The following ZCWPW2 variants were observed in gnomAD, a reference collection of about 807,000 sequenced individuals.
ZCWPW2 encodes the protein zinc finger CW-type and PWWP domain containing 2.
A neutral mutation model predicts 46.6 loss-of-function variants in ZCWPW2; 45 were observed. That is an observed-to-expected ratio of 0.96 (90% CI 0.76 to 1.24). The LOEUF is 1.24. ZCWPW2 is among the 50% of genes most tolerant of loss of function. ZCWPW2 has a pLI of 0.00. For synonymous variants in ZCWPW2, 152 were observed against 137.1 expected (o/e 1.11, Z -0.76); for missense variants, 429 against 403.9 (o/e 1.06, Z -0.53).
At chr3:28,384,939 T>C (rs1695222187) in intron 1 of ZCWPW2, among the ~76,000 whole-genome samples, 1 of 152,184 alleles carries the variant, frequency 6.6e-6, no homozygotes. Flanking sequence ...TTTATGACTT[T>C]TGTGTTTTAC....
chr3:28,490,199 GA>G (rs1395151294), intron 5 of ZCWPW2, among the ~76,000 whole-genome samples: 4 of 152,066 alleles, frequency 2.6e-5, no homozygotes, highest in African/African-American at 7.2e-5. Flanking sequence ...AGAGAAAAGG[GA>G]ATGCTATATA....
At chr3:28,466,588 C>A (rs1224847493) in intron 4 of ZCWPW2, among the ~76,000 whole-genome samples, 2 of 152,110 alleles carry the variant, frequency 1.3e-5, no homozygotes, top group African/African-American at 4.8e-5. Flanking sequence ...CACCTAAGGT[C>A]AGAAGTTCAA....
At chr3:28,469,778 A>G (rs569445499) in intron 4 of ZCWPW2, among the ~76,000 whole-genome samples, 2 of 152,054 alleles carry the variant, frequency 1.3e-5, no homozygotes, top group Admixed American at 6.6e-5. Context: ...AGATATATAA[A>G]GCAAATATTA....
intron 5 of ZCWPW2, among the ~76,000 whole-genome samples, chr3:28,489,945 A>C (rs1458958536): frequency 6.6e-6 from 1 of 152,066 alleles, no homozygotes; most frequent in Non-Finnish European, 1.5e-5. Context: ...TCTGCATCTG[A>C]AAAAGGTCTG....
At chr3:28,398,514 G>A (rs762043592) in intron 2 of ZCWPW2, among the ~76,000 whole-genome samples, 4 of 152,108 alleles carry the variant, frequency 2.6e-5, no homozygotes, top group East Asian at 1.9e-4. Flanking sequence ...GATCCAGAAC[G>A]ACTGCAGGAA....
chr3:28,412,112 T>C (rs1287339555), intron 2 of ZCWPW2, among the ~76,000 whole-genome samples: 1 of 151,976 alleles, frequency 6.6e-6, no homozygotes, highest in Non-Finnish European at 1.5e-5. Flanking sequence ...CTTTAAATGG[T>C]GCTTATACTT....
intron 2 of ZCWPW2, among the ~76,000 whole-genome samples, chr3:28,412,772 G>C (rs1483560721): frequency 6.6e-6 from 1 of 151,918 alleles, no homozygotes; most frequent in Non-Finnish European, 1.5e-5. Context: ...TATATATTAG[G>C]TTAATAGAAA....
rs559818001 is a variant in ZCWPW2 at position 28,388,653 on chromosome 3, C to T, written c.-133-1845C>T. Among the ~76,000 whole-genome samples the T allele has an allele frequency of 2.0e-5, 3 of 152,050 alleles. No individual in the cohort carries two copies. The East Asian group carries it at 5.8e-4, about 29-fold the overall frequency. On this transcript the variant is annotated intron_variant, in intron 1 of 9. Coordinates refer to ENST00000383768, the MANE Select transcript of ZCWPW2 (RefSeq NM_001040432.4). ...TATTTGGCTTATACTCACATATATT[C>T]ATAATAAAATAAGGAAGAACTACTC...
chr3:28,421,270 TG>T (rs1196144135), intron 3 of ZCWPW2, among the ~76,000 whole-genome samples: 3 of 152,074 alleles, frequency 2.0e-5, no homozygotes, highest in South Asian at 2.1e-4. Flanking sequence ...TGTTGCCAGG[TG>T]AACTTCACTG....
intron 9 of ZCWPW2, among the ~76,000 whole-genome samples, chr3:28,522,601 A>G (rs1328801808): frequency 1.3e-5 from 2 of 152,220 alleles, no homozygotes; most frequent in Admixed American, 6.5e-5. Flanking sequence ...AATAAAATAT[A>G]CAGAATGTAC....
intron 6 of ZCWPW2, among the ~76,000 whole-genome samples, chr3:28,494,741 A>T (rs1472561793): frequency 7.1e-6 from 1 of 141,710 alleles, no homozygotes; most frequent in Non-Finnish European, 1.5e-5. Flanking sequence ...CTCAGGATAC[A>T]AAATCAATGT....
chr3:28,487,172 GTTA>G (rs1699629064), intron 5 of ZCWPW2, among the ~76,000 whole-genome samples: 2 of 152,020 alleles, frequency 1.3e-5, no homozygotes, highest in South Asian at 4.1e-4. Flanking sequence ...GAAATTATCA[GTTA>G]TTATTGTGTC....
intron 4 of ZCWPW2, among the ~76,000 whole-genome samples, chr3:28,456,847 T>G (rs1698442609): frequency 1.3e-5 from 2 of 152,212 alleles, no homozygotes; most frequent in Non-Finnish European, 2.9e-5. Flanking sequence ...GATAAGCTTT[T>G]TGATGTGCTG....
intron 4 of ZCWPW2, among the ~76,000 whole-genome samples, chr3:28,450,360 A>T (rs896098232): frequency 6.6e-6 from 1 of 152,194 alleles, no homozygotes; most frequent in African/African-American, 2.4e-5. Flanking sequence ...TTAACTGAGC[A>T]CAACGTTGAG....
chr3:28,500,363 GT>G (rs1700110282), intron 6 of ZCWPW2, among the ~76,000 whole-genome samples: 1 of 151,880 alleles, frequency 6.6e-6, no homozygotes, highest in Admixed American at 6.6e-5. Context: ...TTTTTATTTA[GT>G]TTTTTCAATA....
chr3:28,502,282 A>T (rs574693631), intron 6 of ZCWPW2, among the ~76,000 whole-genome samples: 1 of 152,268 alleles, frequency 6.6e-6, no homozygotes, highest in African/African-American at 2.4e-5. Context: ...TAAATCTCTG[A>T]TTCCAAATCC....
intron 1 of ZCWPW2, among the ~76,000 whole-genome samples, chr3:28,375,562 C>T (rs1293409832): frequency 2.0e-5 from 3 of 152,126 alleles, no homozygotes; most frequent in Non-Finnish European, 4.4e-5. Flanking sequence ...TGTTCTGATA[C>T]AGGCATGTAA....
intron 4 of ZCWPW2, among the ~76,000 whole-genome samples, chr3:28,444,705 T>C (rs1374591552): frequency 6.6e-6 from 1 of 152,236 alleles, no homozygotes; most frequent in Non-Finnish European, 1.5e-5. Flanking sequence ...TAGGGCAATC[T>C]TAGCAGATTT....
At chr3:28,384,614 C>T (rs13090795) in intron 1 of ZCWPW2, among the ~76,000 whole-genome samples, 39,601 of 139,196 alleles carry the variant, frequency 0.28, 5,725 homozygotes, top group Middle Eastern at 0.33. Context: ...ATCTTTCTTT[C>T]TTTTTTTTTT....
Sources: allele counts gnomAD v4.1 joint callset (sites outside exome capture counted in the v4.1 genomes callset), GRCh38; gene constraint gnomAD v4.1.1; transcripts MANE v1.5; gene names NCBI Gene and HGNC (gene_info 2026-07-23, HGNC 2026-07-21).